CELF4: variants seen among roughly 807,000 people sequenced by gnomAD.
The protein encoded by CELF4 is CUGBP Elav-like family member 4.
A neutral mutation model predicts 59.9 loss-of-function variants in CELF4; 18 were observed. That is an observed-to-expected ratio of 0.30 (90% CI 0.21 to 0.45). The LOEUF is 0.45. Ranked by LOEUF, CELF4 falls within the 20% of genes least tolerant of loss-of-function variation. CELF4 has a pLI of 1.00. For missense variants in CELF4, 456 were observed against 689.0 expected (o/e 0.66, Z 3.79); for synonymous variants, 261 against 267.1 (o/e 0.98, Z 0.22).
At chr18:37,401,184 G>T (rs1042258262) in intron 2 of CELF4, among the ~76,000 whole-genome samples, 8 of 152,318 alleles carry the variant, frequency 5.3e-5, no homozygotes, top group Non-Finnish European at 1.0e-4. Flanking sequence ...GATGGTTGTA[G>T]GTAGGTCTTC....
intron 2 of CELF4, among the ~76,000 whole-genome samples, chr18:37,470,029 T>C (rs2154602525): frequency 6.6e-6 from 1 of 152,318 alleles, no homozygotes; most frequent in Middle Eastern, 3.4e-3. Flanking sequence ...CTGCAAGAAC[T>C]ATGACCCTCT....
intron 2 of CELF4, among the ~76,000 whole-genome samples, chr18:37,436,651 G>A (rs936095152): frequency 1.9e-4 from 29 of 152,298 alleles, no homozygotes; most frequent in Non-Finnish European, 8.8e-5. Context: ...CACTTCCTAG[G>A]CTGCCTGCTC....
intron 2 of CELF4, among the ~76,000 whole-genome samples, chr18:37,461,876 T>C (rs972505018): frequency 1.3e-5 from 2 of 151,942 alleles, no homozygotes; most frequent in South Asian, 2.1e-4. Flanking sequence ...GGTGCTCTGG[T>C]TGGATTGGAA....
chr18:37,297,022 A>C (rs2095686328), intron 3 of CELF4, among the ~76,000 whole-genome samples: 1 of 152,124 alleles, frequency 6.6e-6, no homozygotes, highest in South Asian at 2.1e-4. Context: ...ACCAGAAATC[A>C]ACTAGGGAGA....
chr18:37,264,447 G>A (rs1457363401), intron 10 of CELF4, among the ~76,000 whole-genome samples: 1 of 152,250 alleles, frequency 6.6e-6, no homozygotes, highest in Non-Finnish European at 1.5e-5. Flanking sequence ...CTGCCCCTGG[G>A]CCAGACACCA....
At chr18:37,394,296 G>C (rs1420006978) in intron 2 of CELF4, among the ~76,000 whole-genome samples, 1 of 152,236 alleles carries the variant, frequency 6.6e-6, no homozygotes, top group Non-Finnish European at 1.5e-5. Flanking sequence ...CGGGAGGCAG[G>C]AAGCTGGGGG....
intron 2 of CELF4, among the ~76,000 whole-genome samples, chr18:37,414,488 T>C (rs920790379): frequency 7.9e-5 from 10 of 126,952 alleles, no homozygotes; most frequent in African/African-American, 1.9e-4. Context: ...CTACTCATTT[T>C]TTTTCTTTTC....
intron 2 of CELF4, among the ~76,000 whole-genome samples, chr18:37,423,513 T>C (rs2099593304): frequency 6.6e-6 from 1 of 152,094 alleles, no homozygotes; most frequent in South Asian, 2.1e-4. Context: ...GAAGTCATTC[T>C]TGGTGGAGAG....
At chr18:37,259,894 G>A (rs567403701) in intron 10 of CELF4, among the ~76,000 whole-genome samples, 80 of 152,326 alleles carry the variant, frequency 5.3e-4, no homozygotes, top group African/African-American at 1.9e-3. Context: ...AGGAAGCGCT[G>A]CAACTGAGGC....
chr18:37,370,434 T>C (rs949664444), intron 2 of CELF4, among the ~76,000 whole-genome samples: 1 of 152,112 alleles, frequency 6.6e-6, no homozygotes, highest in African/African-American at 2.4e-5. Flanking sequence ...CCAGACCCAG[T>C]AGGAATCACA....
At chr18:37,549,274 G>A (rs1460852882) in intron 1 of CELF4, among the ~76,000 whole-genome samples, 1 of 152,210 alleles carries the variant, frequency 6.6e-6, no homozygotes, top group Non-Finnish European at 1.5e-5. Context: ...CAGAGGAGAA[G>A]GCAGCCTCCT....
At chr18:37,472,908 T>TAAAACTTAAGATA (rs1222743116) in intron 2 of CELF4, among the ~76,000 whole-genome samples, 1 of 152,144 alleles carries the variant, frequency 6.6e-6, no homozygotes, top group Non-Finnish European at 1.5e-5. Flanking sequence ...GTTAAGCTAG[T>TAAAACTTAAGATA]AAAACTTAAG....
At chr18:37,411,856 C>T (rs2099463966) in intron 2 of CELF4, among the ~76,000 whole-genome samples, 1 of 152,226 alleles carries the variant, frequency 6.6e-6, no homozygotes, top group South Asian at 2.1e-4. Context: ...GCCAACTGTG[C>T]CTCCCTCCCA....
chr18:37,283,123 G>A (rs2094347382), intron 3 of CELF4, among the ~76,000 whole-genome samples: 2 of 152,140 alleles, frequency 1.3e-5, no homozygotes, highest in Admixed American at 6.5e-5. Context: ...TGATGTTGGG[G>A]TGGAAGAGGC....
chr18:37,398,715 C>G (rs559395425), intron 2 of CELF4, among the ~76,000 whole-genome samples: 1 of 152,176 alleles, frequency 6.6e-6, no homozygotes, highest in African/African-American at 2.4e-5. Context: ...TTGTTTCTCT[C>G]CAAGGCGTGG....
chr18:37,533,734 A>G (rs1053720109), intron 1 of CELF4, among the ~76,000 whole-genome samples: 3 of 152,234 alleles, frequency 2.0e-5, no homozygotes, highest in African/African-American at 4.8e-5. Context: ...GCCCACCTGT[A>G]TATCATCAGA....
intron 11 of CELF4, among the ~76,000 whole-genome samples, chr18:37,255,078 C>T (rs1000622083): frequency 6.6e-6 from 1 of 152,058 alleles, no homozygotes; most frequent in Admixed American, 6.5e-5. Context: ...ACTTTAGAGG[C>T]CTTTTCTCCT....
chr18:37,254,012 G>A lies in CELF4; in HGVS notation c.1334-74C>T. On this transcript the variant is annotated intron_variant, in intron 11 of 12. Coordinates refer to ENST00000420428, the MANE Select transcript of CELF4 (RefSeq NM_020180.4). This position sits in a 1 kb window ranked among gnomAD's most constrained non-coding sequence, Gnocchi z 5.1. ...GGGCGCTGCCGGCGGGGAGGGGTCG[G>A]GGGACAGGGGGGCGGGGCGGGCCTG... is the stretch of plus-strand genomic sequence containing the variant. 2.5e-6 allele frequency: 3 copies of A among 1,181,108 alleles called. No individual in the cohort carries two copies. Among genetic ancestry groups the A allele is most frequent in the South Asian group, 3.4e-5 (2 of 59,564 alleles). 73.2% of individuals were successfully genotyped at this position (1,181,108 alleles called of 1,614,324 possible). A position where few individuals can be genotyped will look rare whatever the true frequency, so the allele number is the denominator to read the frequency against.
intron 2 of CELF4, among the ~76,000 whole-genome samples, chr18:37,446,993 C>A (rs1815404821): frequency 6.6e-6 from 1 of 152,218 alleles, no homozygotes; most frequent in Admixed American, 6.5e-5. Flanking sequence ...CATTCATTCA[C>A]CATTAAAATA....
Sources: allele counts gnomAD v4.1 joint callset (sites outside exome capture counted in the v4.1 genomes callset), GRCh38; gene constraint gnomAD v4.1.1; non-coding constraint Gnocchi (gnomAD v3.1); transcripts MANE v1.5; gene names NCBI Gene and HGNC (gene_info 2026-07-23, HGNC 2026-07-21).